Variants in KSR2 observed in about 807,000 individuals in gnomAD.
KSR2 encodes the protein kinase suppressor of ras 2.
Under a neutral mutation model 107.8 loss-of-function variants are expected in KSR2, and 25 were observed. The observed-to-expected ratio is 0.23, with a 90% confidence interval of 0.17 to 0.32. The LOEUF (loss-of-function observed/expected upper bound fraction) is 0.32. Ranked by LOEUF, KSR2 falls within the 10% of genes least tolerant of loss-of-function variation. KSR2 has a pLI of 1.00. For missense variants in KSR2, 887 were observed against 1,268.9 expected, an observed-to-expected ratio of 0.70 and a Z score of 4.57; for synonymous variants, 480 against 507.0, an observed-to-expected ratio of 0.95 and a Z score of 0.71.
intron 1 of KSR2, among the ~76,000 whole-genome samples, chr12:117,935,162 G>A (rs571986534): frequency 2.6e-5 from 4 of 151,720 alleles, no homozygotes; most frequent in African/African-American, 7.3e-5. Flanking sequence ...ACAGGGTCTT[G>A]TCTTGCTCTG....
chr12:117,560,899 G>T (rs573123829), intron 7 of KSR2, among the ~76,000 whole-genome samples: 1 of 152,224 alleles, frequency 6.6e-6, no homozygotes, highest in East Asian at 1.9e-4. Context: ...TCTGCTATAA[G>T]ACCTTACCAG....
chr12:117,644,074 T>C (rs559132310), intron 5 of KSR2, among the ~76,000 whole-genome samples: 1 of 152,306 alleles, frequency 6.6e-6, no homozygotes, highest in South Asian at 2.1e-4. Context: ...ATGTAGTTCT[T>C]GCCTGCCTGG....
At chr12:117,701,152 A>G (rs1458819044) in intron 4 of KSR2, among the ~76,000 whole-genome samples, 1 of 152,142 alleles carries the variant, frequency 6.6e-6, no homozygotes, top group Non-Finnish European at 1.5e-5. Context: ...CAATGGTGCG[A>G]TCTAGGCTCA....
chr12:117,726,279 G>T (rs1887423222), intron 4 of KSR2, among the ~76,000 whole-genome samples: 1 of 152,134 alleles, frequency 6.6e-6, no homozygotes, highest in African/African-American at 2.4e-5. Flanking sequence ...AAATGGGAGA[G>T]AAATGGCCAG....
At chr12:117,938,105 C>A (rs1895900727) in intron 1 of KSR2, among the ~76,000 whole-genome samples, 1 of 152,102 alleles carries the variant, frequency 6.6e-6, no homozygotes, top group Admixed American at 6.6e-5. Context: ...GCTTGGAACA[C>A]CCTTTCCTCG....
At chr12:117,823,635 C>A (rs1891640661) in intron 3 of KSR2, among the ~76,000 whole-genome samples, 2 of 152,044 alleles carry the variant, frequency 1.3e-5, no homozygotes. Flanking sequence ...AATGAGTGGA[C>A]AAAGAGGTAG....
chr12:117,784,839 A>G (rs907646699), intron 3 of KSR2, among the ~76,000 whole-genome samples: 1 of 152,212 alleles, frequency 6.6e-6, no homozygotes, highest in Non-Finnish European at 1.5e-5. Flanking sequence ...TCTGTGTGTG[A>G]AATGCTGCCC....
At chr12:117,467,274 A>G (rs751802175) in intron 19 of KSR2, 69 bp from the exon 20 acceptor site, 2 of 650,954 alleles carry the variant, frequency 3.1e-6, no homozygotes, top group Non-Finnish European at 5.6e-6. Context: ...TCCGTTGTGA[A>G]TGACACCCTC....
At chr12:117,877,277 C>G (rs4767632) in intron 1 of KSR2, among the ~76,000 whole-genome samples, 58,085 of 151,856 alleles carry the variant, frequency 0.38, 13,456 homozygotes, top group East Asian at 0.87. Flanking sequence ...GTGGAGGTTG[C>G]AGTGAGCCAA....
intron 8 of KSR2, 35 bp downstream of exon 8, chr12:117,558,471 C>A: frequency 6.3e-7 from 1 of 1,583,978 alleles, no homozygotes; most frequent in East Asian, 2.2e-5. Context: ...CCCACCTCAC[C>A]CCTGCCCCTA....
Position 117,840,893 on chromosome 12 carries a change from T to C in KSR2, c.472+14535A>G, listed in dbSNP as rs192159306. ...GGTGGGTGCCTGTAATCCCAGCTAC[T>C]TGGGAGGCTGAGGCAGGAGAATTGC... On this transcript the variant is annotated intron_variant, in intron 3 of 19. Transcript: ENST00000339824. Among the ~76,000 whole-genome samples the C allele has an allele frequency of 6.5e-3, 990 of 152,082 alleles. 6 individuals are homozygous for C. The highest frequency in any genetic ancestry group is 9.4e-3 in the Non-Finnish European group (636 of 67,978).
intron 3 of KSR2, among the ~76,000 whole-genome samples, chr12:117,766,827 G>A (rs917283939): frequency 1.3e-5 from 2 of 150,252 alleles, no homozygotes; most frequent in African/African-American, 2.5e-5. Flanking sequence ...GATGAGGGAC[G>A]TGGGAGTTTG....
rs112218742 is a variant in KSR2, at chr12:117,722,061, T to G, written c.986+38950A>C. Reference sequence around the variant, plus strand: ...TTAATTTTATTTTTTTTTAACATTTTTTTAAGGGTCTCGCTATGTTGCCCA... The same window carrying G: ...TTAATTTTATTTTTTTTTAACATTTGTTTAAGGGTCTCGCTATGTTGCCCA... On this transcript the variant is annotated intron_variant, in intron 4 of 19. Coordinates refer to ENST00000339824, the MANE Select transcript of KSR2 (RefSeq NM_173598.6). Among the ~76,000 whole-genome samples the G allele has an allele frequency of 1.9e-3, 283 of 152,292 alleles. 2 individuals are homozygous for G. Among genetic ancestry groups the G allele is most frequent in the African/African-American group, 6.6e-3 (273 of 41,558 alleles).
rs537720744 is a variant in KSR2 at position 117,479,834 on chromosome 12, A to T, written c.2451-3239T>A. ...CTTCTAGAATCAGGAACACCCACAG[A>T]GGTTGAAGGCTCTTACTTACTAGCT... On this transcript the variant is annotated intron_variant, in intron 16 of 19. Coordinates refer to ENST00000339824, the MANE Select transcript of KSR2 (RefSeq NM_173598.6). Among the ~76,000 whole-genome samples, 4 of 152,308 alleles carry T rather than the reference A, an allele frequency of 2.6e-5. No individual in the cohort carries two copies. In the East Asian group the frequency reaches 7.7e-4, roughly 29 times the overall value.
At chr12:117,735,143 G>A (rs1478347596) in intron 4 of KSR2, among the ~76,000 whole-genome samples, 1 of 152,114 alleles carries the variant, frequency 6.6e-6, no homozygotes, top group Non-Finnish European at 1.5e-5. Context: ...GCCACCCAGG[G>A]GCCAAAGCAC....
At chr12:117,519,089 C>T (rs1874572465) in intron 14 of KSR2, among the ~76,000 whole-genome samples, 1 of 152,248 alleles carries the variant, frequency 6.6e-6, no homozygotes, top group African/African-American at 2.4e-5. Context: ...TGGTCTGGCA[C>T]TGTGCCGGGG....
chr12:117,961,469 C>A (rs1287537025), intron 1 of KSR2, among the ~76,000 whole-genome samples: 1 of 152,130 alleles, frequency 6.6e-6, no homozygotes, highest in African/African-American at 2.4e-5. Context: ...TCCTCTATAC[C>A]CAGGCTGGCC....
chr12:117,688,175 T>A (rs563784797), intron 4 of KSR2, among the ~76,000 whole-genome samples: 1 of 151,822 alleles, frequency 6.6e-6, no homozygotes, highest in African/African-American at 2.4e-5. Context: ...AGGTCAGGAG[T>A]TCGATACCAG....
chr12:117,726,256 A>G (rs1046258550), intron 4 of KSR2, among the ~76,000 whole-genome samples: 3 of 152,236 alleles, frequency 2.0e-5, no homozygotes, highest in Non-Finnish European at 4.4e-5. Context: ...TAGATAATTC[A>G]CATATTCACA....
Sources: allele counts gnomAD v4.1 joint callset (sites outside exome capture counted in the v4.1 genomes callset), GRCh38; gene constraint gnomAD v4.1.1; transcripts MANE v1.5; gene names NCBI Gene and HGNC (gene_info 2026-07-23, HGNC 2026-07-21).